The following SOCS5 variants were observed in gnomAD, a reference collection of about 807,000 sequenced individuals.
The protein encoded by SOCS5 is suppressor of cytokine signaling 5.
Under a neutral mutation model 42.8 loss-of-function variants are expected in SOCS5, and 32 were observed. The observed-to-expected ratio is 0.75, with a 90% CI of 0.56 to 1.01. The LOEUF (loss-of-function observed/expected upper bound fraction) is 1.01. Among genes scored for constraint, SOCS5 ranks in the 50% least tolerant of loss-of-function variants. SOCS5 has a pLI of 0.00. For synonymous variants in SOCS5, 283 were observed against 229.6 expected, an observed-to-expected ratio of 1.23 and a Z score of -2.10; for missense variants, 627 against 653.0, an observed-to-expected ratio of 0.96 and a Z score of 0.43.
chr2:46,699,551 A>C lies in SOCS5; in HGVS notation c.-13+102A>C, dbSNP rs1384343630. On this transcript the variant is annotated intron_variant, in intron 1 of 1. Coordinates refer to ENST00000394861, the MANE Select transcript of SOCS5 (RefSeq NM_144949.3). The surrounding 1 kb of genome is among the most constrained non-coding windows in gnomAD (Gnocchi z 4.8). The stretch of plus-strand genomic sequence containing the variant: ...GTGCCCCAGTGCCCGCGCCCGGCGC[A>C]TTCCGCCCCCGGCTGTCGCCCCCGC... 1.3e-5 allele frequency: 2 copies of C among 151,486 alleles called. No homozygotes were observed. Among genetic ancestry groups the C allele is most frequent in the African/African-American group, 2.4e-5 (1 of 41,196 alleles). 9.4% of individuals were successfully genotyped at this position (151,486 alleles called of 1,614,324 possible). A position where few individuals can be genotyped will look rare whatever the true frequency, so the allele number is the denominator to read the frequency against.
chr2:46,730,339 G>C (rs147077262), intron 1 of SOCS5, among the ~76,000 whole-genome samples: 24 of 152,134 alleles, frequency 1.6e-4, no homozygotes, highest in Non-Finnish European at 3.1e-4. Context: ...GGTGGCTCAC[G>C]TCTGTAATCC....
At chr2:46,737,294 C>T (rs1401248279) in intron 1 of SOCS5, among the ~76,000 whole-genome samples, 1 of 152,080 alleles carries the variant, frequency 6.6e-6, no homozygotes, top group Non-Finnish European at 1.5e-5. Flanking sequence ...AATTTCTATT[C>T]TTTTGAACTA....
At chr2:46,725,422 C>A (rs1445585764) in intron 1 of SOCS5, among the ~76,000 whole-genome samples, 3 of 151,826 alleles carry the variant, frequency 2.0e-5, no homozygotes, top group Admixed American at 6.6e-5. Context: ...TGTTTGTTCT[C>A]TTTGTTTATT....
intron 1 of SOCS5, among the ~76,000 whole-genome samples, chr2:46,743,368 T>C (rs1319611559): frequency 6.6e-6 from 1 of 152,208 alleles, no homozygotes; most frequent in Non-Finnish European, 1.5e-5. Flanking sequence ...CTTAATGATA[T>C]GCTAAACAAG....
At chr2:46,731,927 T>C (rs566861284) in intron 1 of SOCS5, among the ~76,000 whole-genome samples, 1 of 152,354 alleles carries the variant, frequency 6.6e-6, no homozygotes, top group South Asian at 2.1e-4. Flanking sequence ...ATGGGAAAAG[T>C]TGCCTCTTGT....
At chr2:46,734,670 A>G (rs1673203819) in intron 1 of SOCS5, among the ~76,000 whole-genome samples, 1 of 152,178 alleles carries the variant, frequency 6.6e-6, no homozygotes, top group Non-Finnish European at 1.5e-5. Context: ...TTACAGAAAT[A>G]AGATTTTTTT....
chr2:46,744,528 CTTT>C (rs796126248), intron 1 of SOCS5, among the ~76,000 whole-genome samples: 2 of 144,974 alleles, frequency 1.4e-5, no homozygotes, highest in South Asian at 4.4e-4. Context: ...ATAATAAAGA[CTTT>C]TTTTTTTTTT....
At chr2:46,728,940 G>A (rs879429263) in intron 1 of SOCS5, among the ~76,000 whole-genome samples, 14 of 152,136 alleles carry the variant, frequency 9.2e-5, no homozygotes, top group Admixed American at 3.3e-4. Flanking sequence ...GGCTAGCATC[G>A]TCAGAATCAA....
intron 1 of SOCS5, among the ~76,000 whole-genome samples, chr2:46,735,747 A>T (rs1188022314): frequency 6.6e-6 from 1 of 152,146 alleles, no homozygotes; most frequent in African/African-American, 2.4e-5. Context: ...GGCAGTATTT[A>T]AATACCCATG....
intron 1 of SOCS5, among the ~76,000 whole-genome samples, chr2:46,743,506 G>A (rs1272044871): frequency 2.0e-5 from 3 of 152,106 alleles, no homozygotes; most frequent in African/African-American, 7.2e-5. Flanking sequence ...TCACTCTTGT[G>A]GCCTTCTTGG....
At chr2:46,757,894 C>T (rs980119181) in intron 1 of SOCS5, among the ~76,000 whole-genome samples, 1 of 152,108 alleles carries the variant, frequency 6.6e-6, no homozygotes, top group African/African-American at 2.4e-5. Flanking sequence ...AAAAAGACAC[C>T]TTTCCTAAAT....
chr2:46,754,146 GA>G (rs1673684093), intron 1 of SOCS5, among the ~76,000 whole-genome samples: 2 of 152,076 alleles, frequency 1.3e-5, no homozygotes, highest in Non-Finnish European at 2.9e-5. Flanking sequence ...AAACACCTCT[GA>G]AAGAGCCAAG....
At chr2:46,735,186 G>C (rs1673216721) in intron 1 of SOCS5, among the ~76,000 whole-genome samples, 5 of 152,238 alleles carry the variant, frequency 3.3e-5, no homozygotes, top group Admixed American at 2.6e-4. Flanking sequence ...AGTTTGCAGT[G>C]TAGGGCTAAA....
Position 46,759,050 on chromosome 2 carries a change from A to G in SOCS5, c.520A>G (p.Ser174Gly). 1 of 1,614,006 alleles carries G rather than the reference A, an allele frequency of 6.2e-7. No individual in the cohort carries two copies. The highest frequency in any genetic ancestry group is 1.1e-5 in the South Asian group (1 of 91,078). Residue 174 changes from serine to glycine, a missense_variant, in exon 2 of 2, where the codon AGT becomes GGT. Physicochemically the swap from Ser to Gly is moderately conservative, Grantham distance 56. This residue lies in a region of SOCS5 where 278 missense variants were observed against 246.3 expected (regional missense o/e 1.13). Coordinates refer to ENST00000394861, the MANE Select transcript of SOCS5 (RefSeq NM_144949.3). ...MDSVSSRTVG[S>G]RSLRQRLQDT... ...CAGTGTTTCCAGCAGAACTGTAGGA[A>G]GTCGCTCTCTAAGACAGAGGTTGCA...
rs375991661 is a variant in SOCS5, at chr2:46,714,292, G to A, written c.-13+14843G>A. 2.2e-3 allele frequency among the ~76,000 whole-genome samples: 338 copies of A among 152,184 alleles called. 2 individuals are homozygous for A. The highest frequency in any genetic ancestry group is 7.9e-3 in the African/African-American group (329 of 41,538). On this transcript the variant is annotated intron_variant, in intron 1 of 1. Coordinates refer to ENST00000394861, the MANE Select transcript of SOCS5 (RefSeq NM_144949.3). ...CTGTTTCTTCTTTCAGTTCCAATAA[G>A]TTTTGTTTCCTATTTCAAGCATAGT...
chr2:46,742,768 C>T (rs895676039), intron 1 of SOCS5, among the ~76,000 whole-genome samples: 6 of 152,012 alleles, frequency 3.9e-5, no homozygotes, highest in Admixed American at 1.3e-4. Flanking sequence ...CAGGTTTAAG[C>T]GATCCTTCTG....
chr2:46,732,083 T>C (rs1193355258), intron 1 of SOCS5, among the ~76,000 whole-genome samples: 1 of 152,236 alleles, frequency 6.6e-6, no homozygotes, highest in Non-Finnish European at 1.5e-5. Flanking sequence ...TATTCCTATG[T>C]TCAGGCTCTG....
chr2:46,720,363 G>T (rs1226429159), intron 1 of SOCS5, among the ~76,000 whole-genome samples: 1 of 152,138 alleles, frequency 6.6e-6, no homozygotes, highest in Non-Finnish European at 1.5e-5. Context: ...TCATTTACAA[G>T]AATATTTTTG....
At chr2:46,706,428 G>A (rs1261373324) in intron 1 of SOCS5, among the ~76,000 whole-genome samples, 3 of 152,122 alleles carry the variant, frequency 2.0e-5, no homozygotes, top group African/African-American at 7.2e-5. Context: ...GCTATGGTCG[G>A]CTTTGGTTGT....
Sources: allele counts gnomAD v4.1 joint callset (sites outside exome capture counted in the v4.1 genomes callset), GRCh38; gene constraint gnomAD v4.1.1; regional missense constraint gnomAD v4.1.1; non-coding constraint Gnocchi (gnomAD v3.1); transcripts MANE v1.5; gene names NCBI Gene and HGNC (gene_info 2026-07-23, HGNC 2026-07-21).